The following ANXA10 variants were observed in gnomAD, a reference collection of about 807,000 sequenced individuals.
The protein encoded by ANXA10 is annexin 14.
In ANXA10, 49 loss-of-function variants were observed where a neutral mutation model predicts 53.5. That is an observed-to-expected ratio of 0.92 (90% confidence interval 0.73 to 1.16). The LOEUF (loss-of-function observed/expected upper bound fraction) is 1.16. ANXA10 is among the 50% of genes most tolerant of loss of function. ANXA10 has a pLI of 0.00. For missense variants in ANXA10, 393 were observed against 394.4 expected, an observed-to-expected ratio of 1.00 and a Z score of 0.03; for synonymous variants, 131 against 128.9, an observed-to-expected ratio of 1.02 and a Z score of -0.11.
chr4:168,164,303 A>C lies in ANXA10; in HGVS notation c.400+15A>C. 6.5e-7 allele frequency: 1 copy of C among 1,548,590 alleles called. No homozygotes were observed. The highest frequency in any genetic ancestry group is 8.9e-7 in the Non-Finnish European group (1 of 1,122,984). ...CTACTGCTTGCGTAAGGAAATATAC[A>C]TATGTGAATATATTTTACACATATA... On this transcript the variant is annotated intron_variant, in intron 5 of 11. Coordinates refer to ENST00000359299, the MANE Select transcript of ANXA10 (RefSeq NM_007193.5).
intron 1 of ANXA10, among the ~76,000 whole-genome samples, chr4:168,102,569 T>C (rs1730657111): frequency 6.6e-6 from 1 of 152,122 alleles, no homozygotes; most frequent in South Asian, 2.1e-4. Context: ...ATTGTATTAA[T>C]CATTAGTTCT....
intron 1 of ANXA10, among the ~76,000 whole-genome samples, chr4:168,108,439 T>C (rs553047083): frequency 5.7e-4 from 86 of 152,202 alleles, no homozygotes; most frequent in Non-Finnish European, 1.1e-3. Context: ...TGATACACTA[T>C]GGCCTTCAAA....
At chr4:168,129,309 C>T (rs1385027947) in intron 2 of ANXA10, among the ~76,000 whole-genome samples, 1 of 152,090 alleles carries the variant, frequency 6.6e-6, no homozygotes, top group Non-Finnish European at 1.5e-5. Context: ...TCAGTCATCA[C>T]TAGAACAATA....
intron 1 of ANXA10, among the ~76,000 whole-genome samples, chr4:168,125,336 C>T (rs1237193876): frequency 6.6e-6 from 1 of 152,128 alleles, no homozygotes; most frequent in Non-Finnish European, 1.5e-5. Flanking sequence ...ATCAACTGCA[C>T]TAAAACTAAG....
At chr4:168,131,262 G>C (rs747493661) in intron 2 of ANXA10, among the ~76,000 whole-genome samples, 4 of 151,866 alleles carry the variant, frequency 2.6e-5, no homozygotes, top group Non-Finnish European at 5.9e-5. Context: ...TTTAATCTGT[G>C]TGTATTTGGG....
chr4:168,181,938 G>T lies in ANXA10; in HGVS notation c.783+197G>T, dbSNP rs527320476. Reference sequence around the variant, plus strand: ...AGATAAAAATAATGTTCTGCTTTCTGTATCAAATTTAGGGAACCATATTTG... The same window carrying T: ...AGATAAAAATAATGTTCTGCTTTCTTTATCAAATTTAGGGAACCATATTTG... On this transcript the variant is annotated intron_variant, in intron 10 of 11. Coordinates refer to ENST00000359299, the MANE Select transcript of ANXA10 (RefSeq NM_007193.5). Among the ~76,000 whole-genome samples the T allele has an allele frequency of 6.6e-5, 10 of 152,280 alleles. No individual in the cohort carries two copies. In the East Asian group the frequency reaches 1.9e-3, roughly 29 times the overall value.
chr4:168,158,906 T>C (rs1731735113), intron 3 of ANXA10, among the ~76,000 whole-genome samples: 2 of 152,122 alleles, frequency 1.3e-5, no homozygotes, highest in South Asian at 4.1e-4. Flanking sequence ...CATGAAGAGC[T>C]CTTTCCATGA....
At chr4:168,111,599 A>AT (rs1418699553) in intron 1 of ANXA10, among the ~76,000 whole-genome samples, 2 of 152,106 alleles carry the variant, frequency 1.3e-5, no homozygotes, top group Admixed American at 6.6e-5. Context: ...AAATACTGTC[A>AT]TTTTTTCATA....
At chr4:168,178,497 C>T (rs765552542) in intron 8 of ANXA10, among the ~76,000 whole-genome samples, 46 of 152,018 alleles carry the variant, frequency 3.0e-4, no homozygotes, top group Non-Finnish European at 5.1e-4. Flanking sequence ...ATATAAAGTA[C>T]GCAAATGGCT....
At chr4:168,110,581 T>C (rs1730792802) in intron 1 of ANXA10, among the ~76,000 whole-genome samples, 2 of 152,040 alleles carry the variant, frequency 1.3e-5, no homozygotes, top group African/African-American at 4.8e-5. Flanking sequence ...CTCTGTAATA[T>C]ATATTATTTG....
At chr4:168,186,979 T>C (rs941057484) in intron 11 of ANXA10, among the ~76,000 whole-genome samples, 1 of 152,086 alleles carries the variant, frequency 6.6e-6, no homozygotes, top group African/African-American at 2.4e-5. Context: ...TTAATAATTA[T>C]AAATATTTTT....
chr4:168,169,688 C>G (rs972126617), intron 6 of ANXA10, among the ~76,000 whole-genome samples: 1 of 152,184 alleles, frequency 6.6e-6, no homozygotes, highest in African/African-American at 2.4e-5. Context: ...AATGAAAGGG[C>G]TGACATGAAG....
intron 3 of ANXA10, among the ~76,000 whole-genome samples, chr4:168,147,381 A>T (rs1731423115): frequency 6.6e-6 from 1 of 152,218 alleles, no homozygotes; most frequent in Non-Finnish European, 1.5e-5. Flanking sequence ...CAGCAAGTTT[A>T]AAACATCAAG....
intron 3 of ANXA10, among the ~76,000 whole-genome samples, chr4:168,153,922 G>C (rs1355846963): frequency 6.6e-6 from 1 of 151,652 alleles, no homozygotes; most frequent in African/African-American, 2.4e-5. Context: ...TTATTTTCCT[G>C]AAATTATATT....
At chr4:168,140,605 C>T (rs1005806178) in intron 3 of ANXA10, among the ~76,000 whole-genome samples, 1 of 150,384 alleles carries the variant, frequency 6.6e-6, no homozygotes, top group African/African-American at 2.5e-5. Flanking sequence ...ATGCATAGTG[C>T]TATAAGAAAT....
At chr4:168,139,943 A>C (rs1362986775) in intron 3 of ANXA10, among the ~76,000 whole-genome samples, 1 of 152,162 alleles carries the variant, frequency 6.6e-6, no homozygotes, top group African/African-American at 2.4e-5. Context: ...AAGGCACATA[A>C]AAAATTAATG....
chr4:168,151,306 C>T (rs955710890), intron 3 of ANXA10, among the ~76,000 whole-genome samples: 2 of 152,140 alleles, frequency 1.3e-5, no homozygotes, highest in African/African-American at 4.8e-5. Context: ...TGAGCATATT[C>T]AGACAAGAAA....
At chr4:168,118,551 C>G (rs1730934841) in intron 1 of ANXA10, among the ~76,000 whole-genome samples, 2 of 151,994 alleles carry the variant, frequency 1.3e-5, no homozygotes, top group Non-Finnish European at 2.9e-5. Context: ...CTGTTTTTTT[C>G]TAATGAGTTC....
intron 11 of ANXA10, among the ~76,000 whole-genome samples, chr4:168,185,135 C>T (rs1478872047): frequency 6.6e-6 from 1 of 151,714 alleles, no homozygotes; most frequent in African/African-American, 2.4e-5. Context: ...GCCTGGGCAA[C>T]AGAGTGAGAC....
Sources: allele counts gnomAD v4.1 joint callset (sites outside exome capture counted in the v4.1 genomes callset), GRCh38; gene constraint gnomAD v4.1.1; transcripts MANE v1.5; gene names NCBI Gene and HGNC (gene_info 2026-07-23, HGNC 2026-07-21).